PPARGC1B: variants seen among roughly 807,000 people sequenced by gnomAD.
PPARGC1B encodes the protein peroxisome proliferator-activated receptor gamma coactivator 1-beta.
Under a neutral mutation model 101.6 loss-of-function variants are expected in PPARGC1B, and 34 were observed. That is an observed-to-expected ratio of 0.33 (90% CI 0.25 to 0.45). The LOEUF (loss-of-function observed/expected upper bound fraction) is 0.45, where lower values mean the gene tolerates loss of function less well. Among genes scored for constraint, PPARGC1B ranks in the 20% least tolerant of loss-of-function variants. The pLI is 1.00. For synonymous variants in PPARGC1B, 548 were observed against 539.3 expected, an observed-to-expected ratio of 1.02 and a Z score of -0.22; for missense variants, 1,234 against 1,317.6, an observed-to-expected ratio of 0.94 and a Z score of 0.98.
chr5:149,792,753 TCA>T (rs2113262472), intron 1 of PPARGC1B, among the ~76,000 whole-genome samples: 1 of 152,274 alleles, frequency 6.6e-6, no homozygotes, highest in African/African-American at 2.4e-5. Flanking sequence ...ATTCATTCAT[TCA>T]TTCATTCATT....
intron 1 of PPARGC1B, among the ~76,000 whole-genome samples, chr5:149,810,276 G>C (rs149725283): frequency 6.6e-6 from 1 of 152,204 alleles, no homozygotes; most frequent in South Asian, 2.1e-4. Context: ...AACACCTTGC[G>C]CAGAATATAC....
chr5:149,761,726 A>C (rs1755724981), intron 1 of PPARGC1B: 1 of 152,168 alleles, frequency 6.6e-6, no homozygotes, highest in African/African-American at 2.4e-5. Context: ...AGCCAGATGC[A>C]GAAAGACAAA....
intron 1 of PPARGC1B, among the ~76,000 whole-genome samples, chr5:149,796,764 G>A (rs923150711): frequency 6.6e-6 from 1 of 152,168 alleles, no homozygotes; most frequent in Non-Finnish European, 1.5e-5. Context: ...TCAGCAGCTG[G>A]GTGAAGGGTT....
chr5:149,820,663 A>G, intron 2 of PPARGC1B, 57 bp downstream of exon 2: 1 of 1,531,510 alleles, frequency 6.5e-7, no homozygotes, highest in Non-Finnish European at 8.9e-7. Flanking sequence ...TCTCCTCAAA[A>G]TCCCGGCTCT....
chr5:149,836,947 G>A lies in PPARGC1B; in HGVS notation c.2492G>A (p.Cys831Tyr). The change falls in exon 8 of 12, where the codon TGC (cysteine) becomes TAC (tyrosine). Residue 831 changes from cysteine to tyrosine, a missense_variant. Physicochemically the swap from Cys to Tyr is radical, Grantham distance 194 (BLOSUM62 -2). This residue lies in a region of PPARGC1B where 497 missense variants were observed against 529.5 expected (regional missense o/e 0.94). Coordinates refer to ENST00000309241, the MANE Select transcript of PPARGC1B (RefSeq NM_133263.4). ...EEEDSGVSPT[C>Y]SDHCPYQSPP... Reference sequence around the variant, plus strand: ...GAGGACTCAGGGGTCAGCCCCACTTGCTCTGACCACTGCCCCTACCAGAGC... The same window carrying A: ...GAGGACTCAGGGGTCAGCCCCACTTACTCTGACCACTGCCCCTACCAGAGC... 1 of 1,614,016 alleles carries A rather than the reference G, an allele frequency of 6.2e-7. No homozygotes were observed. Among genetic ancestry groups the A allele is most frequent in the Non-Finnish European group, 8.5e-7 (1 of 1,180,034 alleles).
Position 149,854,123 on chromosome 5 carries a change from T to C in PPARGC1B, c.*6565T>C, listed in dbSNP as rs1020702381. 6 of 152,194 alleles carry C rather than the reference T, an allele frequency of 3.9e-5. No individual in the cohort carries two copies. The highest frequency in any genetic ancestry group is 2.0e-4 in the Admixed American group (3 of 15,284). The allele number at this position is 152,194 out of a possible 1,614,324, so 9.4% of individuals were successfully genotyped here. ...AATCTTGGACTCAAATTATTTTCTC[T>C]TGGTGTGACCACACAGCCTAGAGAA... On this transcript the variant is annotated 3_prime_UTR_variant, in exon 12 of 12. Transcript: ENST00000309241.
At chr5:149,839,366 C>T (rs1759240863) in intron 8 of PPARGC1B, among the ~76,000 whole-genome samples, 1 of 152,192 alleles carries the variant, frequency 6.6e-6, no homozygotes, top group Non-Finnish European at 1.5e-5. Flanking sequence ...TGTTCTTGTC[C>T]TCTGTGCTGT....
At chr5:149,811,553 G>A (rs1366974829) in intron 1 of PPARGC1B, among the ~76,000 whole-genome samples, 1 of 152,188 alleles carries the variant, frequency 6.6e-6, no homozygotes, top group Non-Finnish European at 1.5e-5. Context: ...TAAGTCGGTG[G>A]GAGCAGACCA....
intron 1 of PPARGC1B, among the ~76,000 whole-genome samples, chr5:149,786,497 G>A (rs1285656674): frequency 2.0e-5 from 3 of 151,934 alleles, no homozygotes; most frequent in Non-Finnish European, 2.9e-5. Context: ...TCGGCCTCCC[G>A]AAGTGCTGGG....
At chr5:149,807,563 G>A (rs1028390546) in intron 1 of PPARGC1B, among the ~76,000 whole-genome samples, 2 of 152,100 alleles carry the variant, frequency 1.3e-5, no homozygotes, top group Non-Finnish European at 2.9e-5. Flanking sequence ...CTTTTCTTAA[G>A]CAAAATCGAT....
chr5:149,836,154 G>T, intron 7 of PPARGC1B, 109 bp from the exon 8 acceptor site: 1 of 926,036 alleles, frequency 1.1e-6, no homozygotes, highest in Non-Finnish European at 1.6e-6. Flanking sequence ...CTCCCAAAAT[G>T]TTGGGATTAT....
chr5:149,830,870 G>A lies in PPARGC1B; in HGVS notation c.569G>A (p.Arg190Gln), dbSNP rs768972512. Residue 190 changes from arginine (R) to glutamine (Q), a missense_variant, in exon 4 of 12, where the codon CGG becomes CAG. Physicochemically the swap from Arg to Gln is conservative, Grantham distance 43 (BLOSUM62 1). Coordinates refer to ENST00000309241, the MANE Select transcript of PPARGC1B (RefSeq NM_133263.4). ...GCAGGCCTCAGATCTAAAAGTCAAC[G>A]GCCTTGTGTTAAGGTATTTCTTCAC... Reference protein sequence around the residue: ...RQAGLRSKSQRPCVKADSTQD... With the variant: ...RQAGLRSKSQQPCVKADSTQD... 22 of 1,612,142 alleles carry A rather than the reference G, an allele frequency of 1.4e-5. No individual in the cohort carries two copies. Among genetic ancestry groups the A allele is most frequent in the Admixed American group, 6.7e-5 (4 of 60,002 alleles).
intron 1 of PPARGC1B, among the ~76,000 whole-genome samples, chr5:149,781,766 C>G (rs999577824): frequency 2.0e-5 from 3 of 152,016 alleles, no homozygotes; most frequent in African/African-American, 7.3e-5. Context: ...GAGGGATGTC[C>G]TGGCCAAGGC....
At chr5:149,764,911 A>G (rs1326349247) in intron 1 of PPARGC1B, among the ~76,000 whole-genome samples, 1 of 152,270 alleles carries the variant, frequency 6.6e-6, no homozygotes, top group Non-Finnish European at 1.5e-5. Flanking sequence ...GCCTCCAAGC[A>G]TGGACTCCTC....
chr5:149,855,293 C>T (rs879800860), downstream of PPARGC1B, among the ~76,000 whole-genome samples: 1 of 152,020 alleles, frequency 6.6e-6, no homozygotes, highest in African/African-American at 2.4e-5. Context: ...GTGAGACCCC[C>T]ATCTCTGAAA....
At chr5:149,845,252 G>A (rs1759506472) in intron 10 of PPARGC1B, among the ~76,000 whole-genome samples, 1 of 152,214 alleles carries the variant, frequency 6.6e-6, no homozygotes, top group African/African-American at 2.4e-5. Context: ...GGCAGCCAAG[G>A]AATTGGTGAC....
chr5:149,780,640 T>C (rs1467491222), intron 1 of PPARGC1B, among the ~76,000 whole-genome samples: 1 of 152,156 alleles, frequency 6.6e-6, no homozygotes, highest in Non-Finnish European at 1.5e-5. Context: ...AAAAAGTTAT[T>C]GATAATTTTA....
At chr5:149,786,017 C>T (rs1290219329) in intron 1 of PPARGC1B, among the ~76,000 whole-genome samples, 1 of 151,658 alleles carries the variant, frequency 6.6e-6, no homozygotes, top group Non-Finnish European at 1.5e-5. Flanking sequence ...CTCCCGGGCT[C>T]AAGGGATATT....
intron 1 of PPARGC1B, among the ~76,000 whole-genome samples, chr5:149,760,694 C>A (rs938805431): frequency 6.6e-6 from 1 of 152,158 alleles, no homozygotes; most frequent in African/African-American, 2.4e-5. Context: ...GTAATGATCT[C>A]ATGCACCTGC....
Sources: gnomAD v4.1 joint callset for allele counts (sites outside exome capture counted in the v4.1 genomes callset) on GRCh38, gnomAD v4.1.1 for gene constraint, gnomAD v4.1.1 regional missense constraint, MANE v1.5 for transcripts, NCBI Gene and HGNC (gene_info 2026-07-23, HGNC 2026-07-21) for gene names.